Variants in MCTP1 observed in about 807,000 individuals in gnomAD.
The protein encoded by MCTP1 is multiple C2 and transmembrane domain-containing protein 1.
Under a neutral mutation model 120.6 loss-of-function variants are expected in MCTP1, and 69 were observed. The observed-to-expected ratio is 0.57, with a 90% CI of 0.47 to 0.70. The LOEUF is 0.70. Among genes scored for constraint, MCTP1 ranks in the 30% least tolerant of loss-of-function variants. MCTP1 has a pLI of 0.00. For missense variants in MCTP1, 1,203 were observed against 1,248.8 expected, an observed-to-expected ratio of 0.96 and a Z score of 0.55; for synonymous variants, 529 against 493.1, an observed-to-expected ratio of 1.07 and a Z score of -0.96.
At chr5:94,866,696 A>T (rs1393436421) in intron 17 of MCTP1, among the ~76,000 whole-genome samples, 2 of 151,732 alleles carry the variant, frequency 1.3e-5, no homozygotes, top group African/African-American at 2.4e-5. Flanking sequence ...CAAATCACTC[A>T]AGTAATATCA....
intron 1 of MCTP1, among the ~76,000 whole-genome samples, chr5:95,238,160 C>A (rs935827636): frequency 6.6e-6 from 1 of 152,156 alleles, no homozygotes; most frequent in Non-Finnish European, 1.5e-5. Flanking sequence ...CAAGAATTGA[C>A]GTTCCCATGC....
intron 12 of MCTP1, among the ~76,000 whole-genome samples, chr5:94,876,075 C>T (rs1798812714): frequency 6.6e-6 from 1 of 152,048 alleles, no homozygotes; most frequent in South Asian, 2.1e-4. Flanking sequence ...GCAAACTTAC[C>T]ACTAAAAAGC....
intron 1 of MCTP1, among the ~76,000 whole-genome samples, chr5:95,041,130 G>A (rs991267984): frequency 6.6e-6 from 1 of 151,750 alleles, no homozygotes; most frequent in African/African-American, 2.4e-5. Flanking sequence ...AGCTAACACT[G>A]ATGGAACACA....
intron 17 of MCTP1, among the ~76,000 whole-genome samples, chr5:94,840,231 A>T (rs1441630646): frequency 6.6e-6 from 1 of 152,200 alleles, no homozygotes; most frequent in African/African-American, 2.4e-5. Context: ...GAGCCATCTA[A>T]GTAAGTCAAT....
intron 17 of MCTP1, among the ~76,000 whole-genome samples, chr5:94,814,905 CT>C (rs1416547330): frequency 6.6e-6 from 1 of 152,132 alleles, no homozygotes; most frequent in Non-Finnish European, 1.5e-5. Context: ...GTGAGGAACT[CT>C]TTTAATTTGG....
chr5:94,960,899 T>C (rs1445658054), intron 2 of MCTP1, among the ~76,000 whole-genome samples: 1 of 152,208 alleles, frequency 6.6e-6, no homozygotes, highest in Non-Finnish European at 1.5e-5. Context: ...AAATACCATT[T>C]GATCCAGCAA....
intron 20 of MCTP1, among the ~76,000 whole-genome samples, chr5:94,714,562 TCCAA>T (rs1393314669): frequency 6.6e-6 from 1 of 151,992 alleles, no homozygotes; most frequent in Admixed American, 6.6e-5. Context: ...ATGACTTCTT[TCCAA>T]CCAATATGTT....
At chr5:95,247,896 A>C (rs1389227950) in intron 1 of MCTP1, among the ~76,000 whole-genome samples, 2 of 152,116 alleles carry the variant, frequency 1.3e-5, no homozygotes. Flanking sequence ...TTCTGTAGAT[A>C]TCTATTAGGT....
At chr5:95,188,414 C>T (rs1749464482) in intron 1 of MCTP1, among the ~76,000 whole-genome samples, 1 of 152,128 alleles carries the variant, frequency 6.6e-6, no homozygotes, top group Non-Finnish European at 1.5e-5. Context: ...GGCATTTATA[C>T]CAGAGCAATG....
intron 1 of MCTP1, among the ~76,000 whole-genome samples, chr5:95,037,347 G>A (rs11956040): frequency 3.9e-5 from 6 of 152,148 alleles, no homozygotes; most frequent in African/African-American, 9.7e-5. Context: ...AAAAAGCAAC[G>A]AGGTGAAAAG....
intron 1 of MCTP1, among the ~76,000 whole-genome samples, chr5:95,167,605 C>A (rs529562990): frequency 6.6e-6 from 1 of 152,206 alleles, no homozygotes; most frequent in South Asian, 2.1e-4. Context: ...GCCATTCTAA[C>A]TGGTGTGAGA....
rs79008251 is a variant in MCTP1, at chr5:95,109,104, C to T, written c.721-91620G>A. 4.6e-3 allele frequency among the ~76,000 whole-genome samples: 706 copies of T among 152,308 alleles called. 3 individuals are homozygous for T. Among genetic ancestry groups the T allele is most frequent in the African/African-American group, 0.016 (651 of 41,568 alleles). ...AGTCTAGACTAATCATGCAGTTAGGCTGAGGTCAATGACATTTTTCCTTCA... is the reference window on the plus strand; with the variant it reads ...AGTCTAGACTAATCATGCAGTTAGGTTGAGGTCAATGACATTTTTCCTTCA... On this transcript the variant is annotated intron_variant, in intron 1 of 22. Coordinates refer to ENST00000515393, the MANE Select transcript of MCTP1 (RefSeq NM_024717.7).
At chr5:95,201,380 C>A (rs968748520) in intron 1 of MCTP1, among the ~76,000 whole-genome samples, 1 of 146,892 alleles carries the variant, frequency 6.8e-6, no homozygotes, top group African/African-American at 2.6e-5. Context: ...AATATACTAC[C>A]TTTTTGTTAT....
intron 17 of MCTP1, among the ~76,000 whole-genome samples, chr5:94,838,727 C>T (rs40172): frequency 0.2 from 30,113 of 152,052 alleles, 3,836 homozygotes; most frequent in East Asian, 0.63. Flanking sequence ...GTTGAGTGGA[C>T]AAATAAATGT....
chr5:94,842,719 T>C lies in MCTP1; in HGVS notation c.2436+25614A>G, dbSNP rs534438484. 1.2e-4 allele frequency among the ~76,000 whole-genome samples: 18 copies of C among 152,282 alleles called. No homozygotes were observed. The East Asian group carries it at 3.1e-3, about 26-fold the overall frequency. Reference sequence around the variant, plus strand: ...ACAATATATCTACTAATCATGACAGTAGGATATCACAACTGAGTATATAAA... The same window carrying C: ...ACAATATATCTACTAATCATGACAGCAGGATATCACAACTGAGTATATAAA... On this transcript the variant is annotated intron_variant, in intron 17 of 22. Coordinates refer to ENST00000515393, the MANE Select transcript of MCTP1 (RefSeq NM_024717.7).
chr5:95,177,285 G>C (rs1748109608), intron 1 of MCTP1, among the ~76,000 whole-genome samples: 1 of 152,108 alleles, frequency 6.6e-6, no homozygotes, highest in Non-Finnish European at 1.5e-5. Flanking sequence ...GCCCTAGGCA[G>C]AGCTGTAGGG....
intron 17 of MCTP1, among the ~76,000 whole-genome samples, chr5:94,850,419 C>T (rs547987555): frequency 2.3e-4 from 35 of 152,070 alleles, no homozygotes; most frequent in Non-Finnish European, 3.5e-4. Context: ...CCACTGCAAG[C>T]GAGTAAATGG....
intron 2 of MCTP1, among the ~76,000 whole-genome samples, chr5:95,012,831 G>A (rs1390466982): frequency 2.6e-5 from 4 of 151,982 alleles, no homozygotes; most frequent in Non-Finnish European, 1.5e-5. Flanking sequence ...CCGAAATTAG[G>A]CCCATCAATA....
At chr5:95,054,637 G>A (rs1248157617) in intron 1 of MCTP1, among the ~76,000 whole-genome samples, 1 of 152,072 alleles carries the variant, frequency 6.6e-6, no homozygotes, top group Non-Finnish European at 1.5e-5. Context: ...ACACACACCA[G>A]TCAGTAACTA....
Sources: gnomAD v4.1 joint callset for allele counts (sites outside exome capture counted in the v4.1 genomes callset) on GRCh38, gnomAD v4.1.1 for gene constraint, MANE v1.5 for transcripts, NCBI Gene and HGNC (gene_info 2026-07-23, HGNC 2026-07-21) for gene names.